Variants in GBF1 observed in about 807,000 individuals in gnomAD.
The protein encoded by GBF1 is Golgi-specific brefeldin A-resistance guanine nucleotide exchange factor 1.
Under a neutral mutation model 210.5 loss-of-function variants are expected in GBF1, and 114 were observed. That is an observed-to-expected ratio of 0.54 (90% CI 0.47 to 0.63). The LOEUF (loss-of-function observed/expected upper bound fraction) is 0.63, where lower values mean the gene tolerates loss of function less well. Among genes scored for constraint, GBF1 ranks in the 30% least tolerant of loss-of-function variants. The pLI, the probability that GBF1 is intolerant of heterozygous loss-of-function variation, is 0.00. For missense variants in GBF1, 1,851 were observed against 2,357.7 expected (o/e 0.79, Z 4.45); for synonymous variants, 850 against 889.2 (o/e 0.96, Z 0.78).
At chr10:102,243,599 A>G (rs973397586), upstream of GBF1, among the ~76,000 whole-genome samples, 2 of 152,210 alleles carry the variant, frequency 1.3e-5, no homozygotes, top group African/African-American at 4.8e-5. Context: ...TCGGCTTTCC[A>G]GGACCTCTCA....
Position 102,258,876 on chromosome 10 carries a change from A to G in GBF1, c.-10-53A>G, listed in dbSNP as rs1590513046. On this transcript the variant is annotated intron_variant, in intron 1 of 39. Transcript: ENST00000369983. ...CAGGTACTGATTTTTAAACTTGGGTATGCTTTGGGTAACCAAATATTAACC... is the reference window on the plus strand; with the variant it reads ...CAGGTACTGATTTTTAAACTTGGGTGTGCTTTGGGTAACCAAATATTAACC... The G allele has an allele frequency of 3.4e-6, 3 of 892,090 alleles. No homozygotes were observed. In the East Asian group the frequency reaches 7.3e-5, roughly 22 times the overall value. 55.3% of individuals were successfully genotyped at this position (892,090 alleles called of 1,614,324 possible). A position where few individuals can be genotyped will look rare whatever the true frequency, so the allele number is the denominator to read the frequency against.
intron 3 of GBF1, among the ~76,000 whole-genome samples, chr10:102,265,066 T>C (rs1022794433): frequency 6.6e-6 from 1 of 152,164 alleles, no homozygotes; most frequent in African/African-American, 2.4e-5. Flanking sequence ...GAAAGTGAAA[T>C]ATCAGGATAC....
At chr10:102,293,306 G>A (rs1404232457) in intron 3 of GBF1, among the ~76,000 whole-genome samples, 1 of 152,136 alleles carries the variant, frequency 6.6e-6, no homozygotes, top group Non-Finnish European at 1.5e-5. Flanking sequence ...TGGTGATGCT[G>A]TTGTAAACAA....
At chr10:102,339,066 T>C (rs766329084) in intron 3 of GBF1, among the ~76,000 whole-genome samples, 1 of 152,126 alleles carries the variant, frequency 6.6e-6, no homozygotes, top group South Asian at 2.1e-4. Context: ...ACCACTGTTA[T>C]TAAGACTTAG....
chr10:102,287,339 A>C (rs796999681), intron 3 of GBF1, among the ~76,000 whole-genome samples: 1,413 of 65,184 alleles, frequency 0.022, 23 homozygotes, highest in African/African-American at 0.078. Flanking sequence ...CTTTTATTTT[A>C]TTTTCTTTTT....
chr10:102,334,315 A>G (rs953627040), intron 3 of GBF1, among the ~76,000 whole-genome samples: 4 of 152,356 alleles, frequency 2.6e-5, no homozygotes, highest in African/African-American at 9.6e-5. Context: ...GAGCTTTGCT[A>G]CCAGGGAAAG....
At chr10:102,301,756 G>A (rs1340319849) in intron 3 of GBF1, among the ~76,000 whole-genome samples, 1 of 152,086 alleles carries the variant, frequency 6.6e-6, no homozygotes, top group African/African-American at 2.4e-5. Context: ...TGGCGGCCGG[G>A]AAGAGGCGCT....
chr10:102,342,191 C>T (rs538853061), intron 3 of GBF1, among the ~76,000 whole-genome samples: 1 of 152,040 alleles, frequency 6.6e-6, no homozygotes, highest in Admixed American at 6.6e-5. Flanking sequence ...TGCCCACCAC[C>T]ACACCCAGCT....
chr10:102,282,600 A>G (rs941853186), intron 3 of GBF1, among the ~76,000 whole-genome samples: 11 of 152,176 alleles, frequency 7.2e-5, no homozygotes, highest in Admixed American at 6.5e-5. Context: ...TGATTCTGCT[A>G]TGTCTACCAA....
In GBF1 at chr10:102,376,784, G is replaced by C. The variant is rs778209114; in HGVS notation, c.4272G>C (p.Glu1424Asp). 2 of 1,608,934 alleles carry C rather than the reference G, an allele frequency of 1.2e-6. No individual in the cohort carries two copies. Among genetic ancestry groups the C allele is most frequent in the Admixed American group, 3.3e-5 (2 of 60,008 alleles). Reference protein sequence around the residue: ...LCVKTLRIFVEASLNGGCKSQ... With the variant: ...LCVKTLRIFVDASLNGGCKSQ... ...TCAAGACTCTCCGGATCTTTGTGGA[G>C]GCCAGTCTGAATGGCGGTGGGTCAG... The change falls in exon 32 of 40, where the codon GAG becomes GAC. Residue 1424 changes from glutamate (E) to aspartate (D), a missense_variant. By Grantham distance (45) the Glu-to-Asp change is conservative. This residue lies in a region of GBF1 where 967 missense variants were observed against 1,247.7 expected (regional missense o/e 0.78). Coordinates refer to ENST00000369983, the MANE Select transcript of GBF1 (RefSeq NM_001377137.1).
intron 3 of GBF1, among the ~76,000 whole-genome samples, chr10:102,266,991 G>T (rs2073929660): frequency 6.6e-6 from 1 of 152,210 alleles, no homozygotes; most frequent in Admixed American, 6.5e-5. Flanking sequence ...ACCTCCAGAG[G>T]TTTGCAGAGA....
chr10:102,372,201 A>G (rs890797024), intron 29 of GBF1, among the ~76,000 whole-genome samples: 22 of 139,716 alleles, frequency 1.6e-4, no homozygotes, highest in Non-Finnish European at 2.9e-4. Context: ...ACACAGCGAG[A>G]CTCCATCTCA....
At chr10:102,250,136 A>G (rs2071331560) in intron 1 of GBF1, among the ~76,000 whole-genome samples, 1 of 152,200 alleles carries the variant, frequency 6.6e-6, no homozygotes, top group African/African-American at 2.4e-5. Flanking sequence ...CAAAGGCATC[A>G]TGAAAAAGAA....
chr10:102,326,408 T>C (rs1351321188), intron 3 of GBF1, among the ~76,000 whole-genome samples: 6 of 152,236 alleles, frequency 3.9e-5, no homozygotes, highest in African/African-American at 1.4e-4. Flanking sequence ...GTTGAGTCTC[T>C]GCTCCCAGAC....
intron 3 of GBF1, among the ~76,000 whole-genome samples, chr10:102,261,084 G>A (rs2073147771): frequency 6.6e-6 from 1 of 152,188 alleles, no homozygotes; most frequent in Non-Finnish European, 1.5e-5. Flanking sequence ...GCCCAGAGGA[G>A]TTTAAAGTGA....
chr10:102,369,012 C>T (rs576773420), intron 23 of GBF1, among the ~76,000 whole-genome samples, 180 bp downstream of exon 23: 8 of 152,246 alleles, frequency 5.3e-5, no homozygotes, highest in African/African-American at 1.9e-4. Context: ...ACTAGTGTTA[C>T]TTCATGTAAT....
chr10:102,289,404 T>TA (rs1481797272), intron 3 of GBF1, among the ~76,000 whole-genome samples: 2 of 152,108 alleles, frequency 1.3e-5, no homozygotes, highest in Non-Finnish European at 2.9e-5. Flanking sequence ...GTGAGGTTGT[T>TA]ACAATGGAGA....
intron 3 of GBF1, among the ~76,000 whole-genome samples, chr10:102,316,928 C>A (rs1259636459): frequency 1.3e-5 from 2 of 152,058 alleles, no homozygotes; most frequent in African/African-American, 4.8e-5. Context: ...CCTATAAATG[C>A]CATTTTAAAT....
At chr10:102,377,704 A>G (rs2060591294) in intron 33 of GBF1, among the ~76,000 whole-genome samples, 1 of 152,160 alleles carries the variant, frequency 6.6e-6, no homozygotes, top group Non-Finnish European at 1.5e-5. Context: ...TAGGTTCAAA[A>G]TATACAAAAG....
Sources: allele counts gnomAD v4.1 joint callset (sites outside exome capture counted in the v4.1 genomes callset), GRCh38; gene constraint gnomAD v4.1.1; regional missense constraint gnomAD v4.1.1; transcripts MANE v1.5; gene names NCBI Gene and HGNC (gene_info 2026-07-23, HGNC 2026-07-21).